The following RBPMS variants were observed in gnomAD, a reference collection of about 807,000 sequenced individuals.
RBPMS encodes the protein RNA binding protein, mRNA processing factor, also known as RNA-binding protein with multiple splicing.
A neutral mutation model predicts 26.8 loss-of-function variants in RBPMS; 7 were observed. The ratio of observed to expected loss-of-function variants is 0.26; its 90% CI spans 0.15 to 0.49. The LOEUF (loss-of-function observed/expected upper bound fraction) is 0.49, where lower values mean the gene tolerates loss of function less well. RBPMS is among the 20% of genes least tolerant of loss of function. The pLI is 0.98. For missense variants in RBPMS, 186 were observed against 250.0 expected (o/e 0.74, Z 1.73); for synonymous variants, 96 against 93.3 (o/e 1.03, Z -0.17).
At chr8:30,518,712 T>C (rs1229922748) in intron 5 of RBPMS, among the ~76,000 whole-genome samples, 1 of 135,632 alleles carries the variant, frequency 7.4e-6, no homozygotes, top group African/African-American at 2.8e-5. Context: ...TTTTTTTTTT[T>C]TTTCTGAAAA....
At chr8:30,531,780 T>A (rs940989487) in intron 5 of RBPMS, among the ~76,000 whole-genome samples, 3 of 152,156 alleles carry the variant, frequency 2.0e-5, no homozygotes, top group Admixed American at 6.5e-5. Flanking sequence ...GGTTAAATCT[T>A]TGTGATTTTT....
intron 5 of RBPMS, among the ~76,000 whole-genome samples, chr8:30,522,005 T>C (rs1255970658): frequency 6.6e-6 from 1 of 152,218 alleles, no homozygotes; most frequent in Non-Finnish European, 1.5e-5. Context: ...CTGTAGTTAA[T>C]AACAATGTAT....
At chr8:30,471,635 T>A (rs2150817134) in intron 1 of RBPMS, among the ~76,000 whole-genome samples, 1 of 152,302 alleles carries the variant, frequency 6.6e-6, no homozygotes, top group Non-Finnish European at 1.5e-5. Context: ...GTATTCTCGC[T>A]CTGCCCAGGT....
At chr8:30,473,273 T>C (rs887885292) in intron 1 of RBPMS, among the ~76,000 whole-genome samples, 1 of 152,208 alleles carries the variant, frequency 6.6e-6, no homozygotes, top group African/African-American at 2.4e-5. Context: ...CTGTGATTCT[T>C]AGGGATCCCA....
At chr8:30,388,772 A>G (rs530164883) in intron 1 of RBPMS, among the ~76,000 whole-genome samples, 1 of 152,164 alleles carries the variant, frequency 6.6e-6, no homozygotes, top group African/African-American at 2.4e-5. Context: ...GCTGATTGTA[A>G]AACATCTTTA....
At position 30,477,781 on chromosome 8, in the gene RBPMS, G is replaced by T; in HGVS notation, c.145-18G>T. 1.3e-6 allele frequency: 2 copies of T among 1,596,014 alleles called. No individual in the cohort carries two copies. Among genetic ancestry groups the T allele is most frequent in the Non-Finnish European group, 1.7e-6 (2 of 1,165,254 alleles). ...CTACAGTTACTTTTGGCTAAACTTG[G>T]TTTTTCTTTATTTTCAGGGCTATGA... On this transcript the variant is annotated intron_variant, in intron 2 of 8. Coordinates refer to ENST00000397323, the MANE Select transcript of RBPMS (RefSeq NM_001008710.3).
chr8:30,436,766 T>C (rs1042277077), intron 1 of RBPMS, among the ~76,000 whole-genome samples: 1 of 152,208 alleles, frequency 6.6e-6, no homozygotes, highest in Non-Finnish European at 1.5e-5. Flanking sequence ...GCTTGTGTTT[T>C]TGTTTTAAAA....
intron 7 of RBPMS, chr8:30,562,112 C>T (rs1245062825): frequency 1.2e-6 from 1 of 863,842 alleles, no homozygotes; most frequent in Non-Finnish European, 1.4e-6. Flanking sequence ...AGGCGGATCA[C>T]TTGATGCCAG....
At chr8:30,500,517 G>A (rs1464415756) in intron 4 of RBPMS, among the ~76,000 whole-genome samples, 1 of 152,076 alleles carries the variant, frequency 6.6e-6, no homozygotes, top group African/African-American at 2.4e-5. Context: ...ACAACACTGG[G>A]AGCCTGAAGC....
At chr8:30,568,861 A>G (rs1002757979) in intron 8 of RBPMS, among the ~76,000 whole-genome samples, 1 of 152,200 alleles carries the variant, frequency 6.6e-6, no homozygotes, top group Non-Finnish European at 1.5e-5. Flanking sequence ...GTCTGGGATC[A>G]TCTGTGGTAG....
chr8:30,392,403 G>A (rs896471384), intron 1 of RBPMS, among the ~76,000 whole-genome samples: 1 of 152,066 alleles, frequency 6.6e-6, no homozygotes, highest in Admixed American at 6.5e-5. Flanking sequence ...TGGCAGGAGA[G>A]AAGAAGGGGA....
intron 5 of RBPMS, among the ~76,000 whole-genome samples, chr8:30,509,404 T>C (rs1821362264): frequency 6.6e-6 from 1 of 152,222 alleles, no homozygotes; most frequent in Admixed American, 6.5e-5. Flanking sequence ...ATTTATCCAG[T>C]AACAACCTAC....
chr8:30,419,421 G>A (rs1563300848), intron 1 of RBPMS, among the ~76,000 whole-genome samples: 1 of 144,758 alleles, frequency 6.9e-6, no homozygotes, highest in Non-Finnish European at 1.5e-5. Flanking sequence ...ACTCCAGCCT[G>A]GGCGACAGAG....
At chr8:30,442,252 C>T (rs1813169906) in intron 1 of RBPMS, among the ~76,000 whole-genome samples, 1 of 152,154 alleles carries the variant, frequency 6.6e-6, no homozygotes, top group Non-Finnish European at 1.5e-5. Context: ...TAGATGTTCC[C>T]TCTGGTGATA....
In RBPMS at chr8:30,556,105, G is replaced by GC. The variant is rs1404272246; in HGVS notation, c.529-2776dup. On this transcript the variant is annotated intron_variant, in intron 6 of 8. Coordinates refer to ENST00000397323, the MANE Select transcript of RBPMS (RefSeq NM_001008710.3). ...GGTGTCTGTGGATGCGGTGAGAAGA[G>GC]CCCCCCACTTGGCAAGCACATAGTG... 1.9e-5 allele frequency: 19 copies of GC among 985,242 alleles called. No homozygotes were observed. The South Asian group carries it at 7.0e-4, about 37-fold the overall frequency. 61.0% of individuals were successfully genotyped at this position (985,242 alleles called of 1,614,324 possible). A position where few individuals can be genotyped will look rare whatever the true frequency, so the allele number is the denominator to read the frequency against.
intron 7 of RBPMS, among the ~76,000 whole-genome samples, chr8:30,560,016 C>T (rs956302507): frequency 2.0e-5 from 3 of 152,356 alleles, no homozygotes; most frequent in African/African-American, 7.2e-5. Flanking sequence ...GAACAGGCCC[C>T]TGGTCAACTT....
chr8:30,445,679 T>TATA (rs1312171100), intron 1 of RBPMS, among the ~76,000 whole-genome samples: 3 of 143,472 alleles, frequency 2.1e-5, no homozygotes, highest in Admixed American at 7.0e-5. Flanking sequence ...TATATATGTA[T>TATA]TTTCCTGAAA....
intron 1 of RBPMS, among the ~76,000 whole-genome samples, chr8:30,463,508 G>T (rs1156253940): frequency 6.6e-6 from 1 of 152,214 alleles, no homozygotes; most frequent in African/African-American, 2.4e-5. Flanking sequence ...CACTCAGAGT[G>T]AGTAATTCAA....
At chr8:30,390,629 T>A (rs1807680425) in intron 1 of RBPMS, among the ~76,000 whole-genome samples, 1 of 152,210 alleles carries the variant, frequency 6.6e-6, no homozygotes, top group Admixed American at 6.5e-5. Flanking sequence ...TTTTTCAGCC[T>A]ACATTTTTGC....
Sources: allele counts gnomAD v4.1 joint callset (sites outside exome capture counted in the v4.1 genomes callset), GRCh38; gene constraint gnomAD v4.1.1; transcripts MANE v1.5; gene names NCBI Gene and HGNC (gene_info 2026-07-23, HGNC 2026-07-21).